ADAMTS12: variants seen among roughly 807,000 people sequenced by gnomAD.
The protein encoded by ADAMTS12 is ADAM metallopeptidase with thrombospondin type 1 motif 12.
Under a neutral mutation model 167.8 loss-of-function variants are expected in ADAMTS12, and 118 were observed. The observed-to-expected ratio is 0.70, with a 90% CI of 0.61 to 0.82. The LOEUF is 0.82. Among genes scored for constraint, ADAMTS12 ranks in the 40% least tolerant of loss-of-function variants. ADAMTS12 has a pLI of 0.00. For missense variants in ADAMTS12, 1,916 were observed against 1,998.8 expected (o/e 0.96, Z 0.79); for synonymous variants, 704 against 716.9 (o/e 0.98, Z 0.29).
chr5:33,606,252 G>A (rs557541732), intron 16 of ADAMTS12, among the ~76,000 whole-genome samples: 1 of 152,234 alleles, frequency 6.6e-6, no homozygotes, highest in Admixed American at 6.5e-5. Flanking sequence ...CCATCCCAGA[G>A]GCTACAATCT....
At chr5:33,583,549 C>A (rs1238756037) in intron 18 of ADAMTS12, among the ~76,000 whole-genome samples, 1 of 152,148 alleles carries the variant, frequency 6.6e-6, no homozygotes, top group Non-Finnish European at 1.5e-5. Context: ...TTAACTTTTA[C>A]GTTTTTGAGG....
At chr5:33,601,353 C>T (rs1258855439) in intron 16 of ADAMTS12, among the ~76,000 whole-genome samples, 1 of 152,100 alleles carries the variant, frequency 6.6e-6, no homozygotes, top group African/African-American at 2.4e-5. Context: ...CCACGATGTA[C>T]CCTAAGTCCT....
intron 21 of ADAMTS12, among the ~76,000 whole-genome samples, chr5:33,547,083 C>CT (rs1561116655): frequency 2.0e-5 from 3 of 152,148 alleles, no homozygotes; most frequent in Admixed American, 6.5e-5. Flanking sequence ...TCAACATCAA[C>CT]TTTTTTCCCA....
intron 21 of ADAMTS12, among the ~76,000 whole-genome samples, chr5:33,548,656 C>G (rs182173718): frequency 1.3e-5 from 2 of 151,712 alleles, no homozygotes; most frequent in East Asian, 3.9e-4. Flanking sequence ...TTTCATGTGC[C>G]AAAGTAAAAC....
intron 2 of ADAMTS12, among the ~76,000 whole-genome samples, chr5:33,793,111 C>A (rs528638540): frequency 6.6e-6 from 1 of 152,334 alleles, no homozygotes; most frequent in South Asian, 2.1e-4. Flanking sequence ...GCCTCTTGGC[C>A]ACCACGGCTC....
chr5:33,700,022 A>G (rs1358664828), intron 3 of ADAMTS12, among the ~76,000 whole-genome samples: 1 of 152,198 alleles, frequency 6.6e-6, no homozygotes, highest in Admixed American at 6.6e-5. Context: ...CAGAATGGCT[A>G]AAAGAAAAAA....
chr5:33,654,695 C>A (rs532186376), intron 7 of ADAMTS12, among the ~76,000 whole-genome samples: 117 of 152,336 alleles, frequency 7.7e-4, no homozygotes, highest in African/African-American at 2.8e-3. Flanking sequence ...TAGCTTCACA[C>A]AGATGCAAGT....
chr5:33,660,329 T>C (rs1431380578), intron 6 of ADAMTS12, among the ~76,000 whole-genome samples: 1 of 152,156 alleles, frequency 6.6e-6, no homozygotes, highest in Admixed American at 6.5e-5. Context: ...AGCAATGAGA[T>C]TTTGGGCAAG....
chr5:33,857,381 T>C (rs531648514), intron 2 of ADAMTS12, among the ~76,000 whole-genome samples: 10 of 152,050 alleles, frequency 6.6e-5, no homozygotes, highest in Admixed American at 1.3e-4. Flanking sequence ...AAGTGTATAC[T>C]TGAAATTTGC....
At chr5:33,849,143 TGC>T (rs2111634116) in intron 2 of ADAMTS12, among the ~76,000 whole-genome samples, 1 of 107,530 alleles carries the variant, frequency 9.3e-6, no homozygotes, top group Admixed American at 9.8e-5. Flanking sequence ...ATATATGTAT[TGC>T]ATAGCAATAT....
intron 16 of ADAMTS12, among the ~76,000 whole-genome samples, chr5:33,613,732 T>C (rs1290254646): frequency 6.6e-6 from 1 of 152,202 alleles, no homozygotes; most frequent in Admixed American, 6.5e-5. Context: ...GACTAGTACA[T>C]GGCAGCAAGT....
At chr5:33,600,955 T>C (rs925063800) in intron 16 of ADAMTS12, among the ~76,000 whole-genome samples, 1 of 152,132 alleles carries the variant, frequency 6.6e-6, no homozygotes, top group African/African-American at 2.4e-5. Flanking sequence ...TCACTTTAGG[T>C]TCCCACTAAA....
intron 3 of ADAMTS12, among the ~76,000 whole-genome samples, chr5:33,731,507 A>G (rs1207226608): frequency 6.6e-6 from 1 of 152,236 alleles, no homozygotes; most frequent in Non-Finnish European, 1.5e-5. Context: ...GGTATGCATG[A>G]TAATGAGGCA....
chr5:33,564,149 C>A (rs1745888217), intron 19 of ADAMTS12, among the ~76,000 whole-genome samples: 1 of 152,166 alleles, frequency 6.6e-6, no homozygotes, highest in Non-Finnish European at 1.5e-5. Flanking sequence ...CAGATCACAC[C>A]CAAGGAACTT....
At chr5:33,761,618 G>A (rs1745359991) in intron 2 of ADAMTS12, among the ~76,000 whole-genome samples, 1 of 152,166 alleles carries the variant, frequency 6.6e-6, no homozygotes, top group African/African-American at 2.4e-5. Flanking sequence ...GACAAAGAAA[G>A]ATTTGCCTTC....
At chr5:33,870,943 C>A (rs1750017890) in intron 2 of ADAMTS12, among the ~76,000 whole-genome samples, 1 of 152,146 alleles carries the variant, frequency 6.6e-6, no homozygotes, top group South Asian at 2.1e-4. Context: ...AACTATGAGC[C>A]AGTTAAACCC....
At chr5:33,753,060 G>A (rs1048310105) in intron 2 of ADAMTS12, among the ~76,000 whole-genome samples, 2 of 152,198 alleles carry the variant, frequency 1.3e-5, no homozygotes, top group African/African-American at 4.8e-5. Flanking sequence ...ATAGCTGTGT[G>A]ACCTTCAATG....
chr5:33,750,864 A>G (rs897458001), intron 3 of ADAMTS12, among the ~76,000 whole-genome samples: 2 of 152,220 alleles, frequency 1.3e-5, no homozygotes, highest in Non-Finnish European at 2.9e-5. Flanking sequence ...AACACTGTGT[A>G]GCCAAAAGAG....
Position 33,891,979 on chromosome 5 carries a change from G to T in ADAMTS12, c.-123C>A. 1.6e-6 allele frequency: 2 copies of T among 1,279,478 alleles called. No individual in the cohort carries two copies. The highest frequency in any genetic ancestry group is 2.1e-6 in the Non-Finnish European group (2 of 933,004). The allele number at this position is 1,279,478 out of a possible 1,614,324, so 79.3% of individuals were successfully genotyped here. Reference sequence around the variant, plus strand: ...GCATGGTCAGGCGCGAGAAGGCAGCGACTGCAAAGCTGCCCGCGATCTCCC... The same window carrying T: ...GCATGGTCAGGCGCGAGAAGGCAGCTACTGCAAAGCTGCCCGCGATCTCCC... On this transcript the variant is annotated 5_prime_UTR_variant, in exon 1 of 24. Coordinates refer to ENST00000504830, the MANE Select transcript of ADAMTS12 (RefSeq NM_030955.4).
Sources: gnomAD v4.1 joint callset for allele counts (sites outside exome capture counted in the v4.1 genomes callset) on GRCh38, gnomAD v4.1.1 for gene constraint, MANE v1.5 for transcripts, NCBI Gene and HGNC (gene_info 2026-07-23, HGNC 2026-07-21) for gene names.